Variants in TAF3 observed in about 807,000 individuals in gnomAD.
TAF3 encodes transcription initiation factor TFIID subunit 3.
TAF3 carries 7 observed loss-of-function variants against 80.6 expected under a neutral mutation model. The observed-to-expected ratio is 0.09, with a 90% CI of 0.05 to 0.16. TAF3 has a LOEUF of 0.16. TAF3 is among the 10% of genes least tolerant of loss of function. The pLI is 1.00. For synonymous variants in TAF3, 444 were observed against 446.1 expected (o/e 1.00, Z 0.06); for missense variants, 921 against 1,140.2 (o/e 0.81, Z 2.77).
intron 2 of TAF3, among the ~76,000 whole-genome samples, chr10:7,957,828 G>A (rs967840439): frequency 1.6e-3 from 81 of 51,698 alleles, no homozygotes; most frequent in Non-Finnish European, 3.0e-3. Flanking sequence ...TCTCTCTCTC[G>A]ATGTTGGAAC....
intron 2 of TAF3, among the ~76,000 whole-genome samples, chr10:7,874,746 T>C (rs1382285006): frequency 6.6e-6 from 1 of 151,972 alleles, no homozygotes; most frequent in Non-Finnish European, 1.5e-5. Flanking sequence ...ACCACAACAT[T>C]AGGTGAAATG....
intron 2 of TAF3, among the ~76,000 whole-genome samples, chr10:7,936,413 A>G (rs2131202097): frequency 6.6e-6 from 1 of 152,294 alleles, no homozygotes; most frequent in South Asian, 2.1e-4. Flanking sequence ...TAAGGATCAA[A>G]TGTCAGCAAA....
chr10:7,909,223 C>G (rs1837635180), intron 2 of TAF3, among the ~76,000 whole-genome samples: 1 of 152,242 alleles, frequency 6.6e-6, no homozygotes, highest in South Asian at 2.1e-4. Context: ...CTTACTGGAT[C>G]AGAGCCTCTG....
chr10:7,957,976 G>A (rs918103212), intron 2 of TAF3, among the ~76,000 whole-genome samples: 6 of 128,232 alleles, frequency 4.7e-5, no homozygotes, highest in African/African-American at 7.7e-5. Flanking sequence ...ACCAAATTTT[G>A]CAGTTTTATA....
At chr10:7,869,805 G>T (rs1029848937) in intron 2 of TAF3, among the ~76,000 whole-genome samples, 7 of 152,160 alleles carry the variant, frequency 4.6e-5, no homozygotes, top group Admixed American at 2.0e-4. Flanking sequence ...TGGCAGACTG[G>T]TGAAAAATAG....
At chr10:7,991,690 C>T (rs1564378979) in intron 4 of TAF3, among the ~76,000 whole-genome samples, 2 of 152,092 alleles carry the variant, frequency 1.3e-5, no homozygotes, top group Non-Finnish European at 2.9e-5. Context: ...ATATCACATG[C>T]TCTAAATAAG....
At chr10:7,865,502 C>CAA (rs1334366531) in intron 2 of TAF3, among the ~76,000 whole-genome samples, 1 of 149,906 alleles carries the variant, frequency 6.7e-6, no homozygotes, top group African/African-American at 2.5e-5. Flanking sequence ...AACAAACAAA[C>CAA]AAAGAAACAA....
rs1831684005 is a variant in TAF3, at chr10:7,977,405, C to T, written c.2315+82C>T. 2.2e-6 allele frequency: 3 copies of T among 1,342,620 alleles called. No individual in the cohort carries two copies. In the Admixed American group the frequency reaches 5.4e-5, roughly 24 times the overall value. The allele number at this position is 1,342,620 out of a possible 1,614,324, so 83.2% of individuals were successfully genotyped here. A position where few individuals can be genotyped will look rare whatever the true frequency, so the allele number is the denominator to read the frequency against. On this transcript the variant is annotated intron_variant, in intron 4 of 6. Transcript: ENST00000344293. ...CTTTCCTAAGGGACTTAGAATTCCACAAGCTTCTCCCAGGTATGAACCTGT... is the reference window on the plus strand; with the variant it reads ...CTTTCCTAAGGGACTTAGAATTCCATAAGCTTCTCCCAGGTATGAACCTGT...
At chr10:7,948,258 CTTT>C (rs575870423) in intron 2 of TAF3, among the ~76,000 whole-genome samples, 1 of 139,312 alleles carries the variant, frequency 7.2e-6, no homozygotes. Context: ...TTCTTTCTTT[CTTT>C]TTTTTTTTTT....
At chr10:7,900,856 G>A (rs1230782011) in intron 2 of TAF3, among the ~76,000 whole-genome samples, 1 of 152,060 alleles carries the variant, frequency 6.6e-6, no homozygotes, top group Non-Finnish European at 1.5e-5. Context: ...TCCTACATTA[G>A]CAGATCATAA....
At position 7,917,663 on chromosome 10, in the gene TAF3, T is replaced by C. The variant is rs963021564; in HGVS notation, c.410-46257T>C. 3.3e-5 allele frequency among the ~76,000 whole-genome samples: 5 copies of C among 152,164 alleles called. No individual in the cohort carries two copies. In the East Asian group the frequency reaches 9.7e-4, roughly 29 times the overall value. On this transcript the variant is annotated intron_variant, in intron 2 of 6. Transcript: ENST00000344293. ...GGTCGGGTTCTGAGGCCGTCACCGG[T>C]TGGGGGAATGGGGGTTTGCCCCACC...
chr10:7,921,594 T>A (rs909535125), intron 2 of TAF3, among the ~76,000 whole-genome samples: 3 of 152,174 alleles, frequency 2.0e-5, no homozygotes, highest in African/African-American at 7.2e-5. Flanking sequence ...TTGTTGCACT[T>A]ACACAGATAT....
intron 2 of TAF3, among the ~76,000 whole-genome samples, chr10:7,872,164 A>G (rs970860648): frequency 6.8e-6 from 1 of 146,658 alleles, no homozygotes. Context: ...CAAAGTTTCC[A>G]GTTTACCAGT....
At chr10:7,899,814 T>C (rs1837541776) in intron 2 of TAF3, among the ~76,000 whole-genome samples, 1 of 152,234 alleles carries the variant, frequency 6.6e-6, no homozygotes, top group African/African-American at 2.4e-5. Context: ...CAAAACTGTT[T>C]AGTATGATTT....
chr10:7,854,733 A>G (rs909387113), intron 2 of TAF3, among the ~76,000 whole-genome samples: 4 of 152,124 alleles, frequency 2.6e-5, no homozygotes, highest in Non-Finnish European at 2.9e-5. Context: ...TTCTGTGTGT[A>G]TTCGAAGGGG....
intron 2 of TAF3, among the ~76,000 whole-genome samples, chr10:7,939,866 C>T (rs1347995561): frequency 6.6e-6 from 1 of 151,652 alleles, no homozygotes; most frequent in East Asian, 1.9e-4. Context: ...AAAAGGAGTC[C>T]TAAGAAGAGA....
chr10:7,832,661 T>C (rs1836813022), intron 2 of TAF3, among the ~76,000 whole-genome samples: 1 of 152,146 alleles, frequency 6.6e-6, no homozygotes, highest in Non-Finnish European at 1.5e-5. Context: ...GTGATTCTTG[T>C]GCCCCACCCT....
intron 4 of TAF3, among the ~76,000 whole-genome samples, chr10:7,995,130 CTA>C (rs1373051550): frequency 4.6e-5 from 7 of 151,936 alleles, no homozygotes; most frequent in African/African-American, 1.7e-4. Flanking sequence ...AAGTTAAAGA[CTA>C]AGGTTTTTTT....
chr10:7,942,621 T>A (rs1837986150), intron 2 of TAF3, among the ~76,000 whole-genome samples: 1 of 152,164 alleles, frequency 6.6e-6, no homozygotes, highest in Non-Finnish European at 1.5e-5. Flanking sequence ...GAGAAAATCC[T>A]GGGCTAGGTC....
Sources: gnomAD v4.1 joint callset for allele counts (sites outside exome capture counted in the v4.1 genomes callset) on GRCh38, gnomAD v4.1.1 for gene constraint, MANE v1.5 for transcripts, NCBI Gene and HGNC (gene_info 2026-07-23, HGNC 2026-07-21) for gene names.